The following DOCK9 variants were observed in gnomAD, a reference collection of about 807,000 sequenced individuals.
DOCK9 encodes dedicator of cytokinesis 9, also known as dedicator of cytokinesis protein 9.
Under a neutral mutation model 263.3 loss-of-function variants are expected in DOCK9, and 89 were observed. The ratio of observed to expected loss-of-function variants is 0.34; its 90% CI spans 0.28 to 0.40. DOCK9 has a LOEUF of 0.40. Ranked by LOEUF, DOCK9 falls within the 10% of genes least tolerant of loss-of-function variation. The pLI, the probability that DOCK9 is intolerant of heterozygous loss-of-function variation, is 1.00. For synonymous variants in DOCK9, 976 were observed against 973.1 expected (o/e 1.00, Z -0.06); for missense variants, 2,140 against 2,603.4 (o/e 0.82, Z 3.87).
At chr13:98,985,844 C>T (rs532047122) in intron 1 of DOCK9, among the ~76,000 whole-genome samples, 9 of 152,316 alleles carry the variant, frequency 5.9e-5, no homozygotes, top group African/African-American at 1.9e-4. Context: ...CCCCACCCCA[C>T]GCCCGGCACA....
rs1465599909 is a variant in DOCK9 at position 98,793,516 on chromosome 13, T to C, written c.*1110A>G. On this transcript the variant is annotated 3_prime_UTR_variant, in exon 53 of 53. Coordinates refer to ENST00000682017, the MANE Select transcript of DOCK9 (RefSeq NM_001366683.2). Reference sequence around the variant, plus strand: ...GTCAGCAATGTCTTTTTAATACAGATGTGGTACAGAATGTTTAATTACAGC... The same window carrying C: ...GTCAGCAATGTCTTTTTAATACAGACGTGGTACAGAATGTTTAATTACAGC... The C allele has an allele frequency of 6.6e-6, 1 of 152,648 alleles. No individual in the cohort carries two copies. Among genetic ancestry groups the C allele is most frequent in the African/African-American group, 2.4e-5 (1 of 41,460 alleles). The allele number at this position is 152,648 out of a possible 1,614,324, so 9.5% of individuals were successfully genotyped here. A position where few individuals can be genotyped will look rare whatever the true frequency, so the allele number is the denominator to read the frequency against.
chr13:98,882,090 A>AG, intron 23 of DOCK9, 83 bp from the exon 24 acceptor site: 1 of 1,125,982 alleles, frequency 8.9e-7, no homozygotes. Context: ...CCAAACAAGG[A>AG]TGGAAGAACT....
chr13:98,902,009 C>G (rs2048349885), intron 12 of DOCK9, 109 bp from the exon 13 acceptor site: 1 of 1,347,602 alleles, frequency 7.4e-7, no homozygotes, highest in Admixed American at 2.4e-5. Context: ...TAGTAAAAAG[C>G]ACCCAGTGCC....
chr13:99,074,577 G>C (rs1395746148), intron 1 of DOCK9, among the ~76,000 whole-genome samples: 1 of 152,176 alleles, frequency 6.6e-6, no homozygotes, highest in African/African-American at 2.4e-5. Context: ...TTTGGTTCCT[G>C]ACTAGCTGCC....
intron 13 of DOCK9, among the ~76,000 whole-genome samples, chr13:98,898,764 T>C (rs1170526106): frequency 6.6e-6 from 1 of 152,250 alleles, no homozygotes; most frequent in Non-Finnish European, 1.5e-5. Context: ...TCAGTTAGGC[T>C]GGGGTTCTCA....
chr13:98,973,443 T>C (rs2059931880), intron 1 of DOCK9, among the ~76,000 whole-genome samples: 1 of 152,218 alleles, frequency 6.6e-6, no homozygotes, highest in African/African-American at 2.4e-5. Context: ...CTACTACTAC[T>C]TTCTACATCA....
At chr13:98,992,344 AG>A (rs1192782674) in intron 1 of DOCK9, among the ~76,000 whole-genome samples, 1 of 152,136 alleles carries the variant, frequency 6.6e-6, no homozygotes, top group East Asian at 1.9e-4. Flanking sequence ...TGGGAGTGTC[AG>A]CCCCTTAAGG....
At chr13:98,989,419 C>T (rs1329587566) in intron 1 of DOCK9, among the ~76,000 whole-genome samples, 2 of 151,630 alleles carry the variant, frequency 1.3e-5, no homozygotes, top group South Asian at 4.2e-4. Flanking sequence ...ACTTCTGAAT[C>T]GGAATCCTGA....
chr13:98,932,398 A>C (rs1018695078), intron 2 of DOCK9, among the ~76,000 whole-genome samples: 1 of 101,334 alleles, frequency 9.9e-6, no homozygotes, highest in Admixed American at 1.1e-4. Flanking sequence ...CCATCTCAAA[A>C]AACAACAACA....
chr13:99,018,353 C>T (rs1885677480), intron 1 of DOCK9, among the ~76,000 whole-genome samples: 1 of 152,194 alleles, frequency 6.6e-6, no homozygotes, highest in African/African-American at 2.4e-5. Flanking sequence ...TTTCACCTTC[C>T]ACCACAGGAT....
intron 1 of DOCK9, among the ~76,000 whole-genome samples, chr13:99,072,234 G>A (rs1034381138): frequency 6.6e-6 from 1 of 152,074 alleles, no homozygotes; most frequent in African/African-American, 2.4e-5. Context: ...CTTTCATGAT[G>A]TTCTATTTGG....
At chr13:98,979,218 A>G (rs1016953135), upstream of DOCK9, among the ~76,000 whole-genome samples, 2 of 130,642 alleles carry the variant, frequency 1.5e-5, no homozygotes, top group South Asian at 5.4e-4. Flanking sequence ...TAGTAGTAGT[A>G]GTAGTAGTAG....
chr13:99,008,234 A>ATTTTT (rs398024127), intron 1 of DOCK9, among the ~76,000 whole-genome samples: 2,129 of 93,784 alleles, frequency 0.023, 56 homozygotes, highest in Non-Finnish European at 0.033. Context: ...ATATATATAT[A>ATTTTT]TTTTTTTTTT....
chr13:99,081,812 C>T (rs1188095983), intron 1 of DOCK9, among the ~76,000 whole-genome samples: 1 of 152,202 alleles, frequency 6.6e-6, no homozygotes, highest in Admixed American at 6.5e-5. Flanking sequence ...GAACATGCTA[C>T]CTTCCTGACT....
At chr13:98,931,893 C>T (rs2054008609) in intron 2 of DOCK9, among the ~76,000 whole-genome samples, 1 of 150,090 alleles carries the variant, frequency 6.7e-6, no homozygotes, top group Non-Finnish European at 1.5e-5. Flanking sequence ...CCACCACACC[C>T]AGCCTTATTC....
chr13:99,008,242 T>A (rs1432045105), intron 1 of DOCK9, among the ~76,000 whole-genome samples: 2 of 143,350 alleles, frequency 1.4e-5, no homozygotes, highest in African/African-American at 2.5e-5. Flanking sequence ...ATATTTTTTT[T>A]TTTTTTTGAG....
chr13:98,852,069 T>G lies in DOCK9; in HGVS notation c.3946+1339A>C, dbSNP rs141811705. ...TGTATATTTGTCTTCAAAAAGCAGT[T>G]ATGTTCTTATTATAGGTCATATTCA... On this transcript the variant is annotated intron_variant, in intron 35 of 52. Coordinates refer to ENST00000682017, the MANE Select transcript of DOCK9 (RefSeq NM_001366683.2). Among the ~76,000 whole-genome samples, 95 of 152,342 alleles carry G rather than the reference T, an allele frequency of 6.2e-4. 1 individual carries two copies. The East Asian group carries it at 0.014, about 22-fold the overall frequency.
At chr13:98,947,113 C>T (rs1301939098) in intron 2 of DOCK9, among the ~76,000 whole-genome samples, 1 of 152,148 alleles carries the variant, frequency 6.6e-6, no homozygotes, top group Non-Finnish European at 1.5e-5. Context: ...TTGAGTGTTC[C>T]ACTAAACTCT....
chr13:98,856,692 T>C (rs758724624), intron 33 of DOCK9: 1 of 152,192 alleles, frequency 6.6e-6, no homozygotes, highest in Non-Finnish European at 1.5e-5. Flanking sequence ...CCATTTGTAG[T>C]GAGTTGTGGT....
Sources: allele counts gnomAD v4.1 joint callset (sites outside exome capture counted in the v4.1 genomes callset), GRCh38; gene constraint gnomAD v4.1.1; transcripts MANE v1.5; gene names NCBI Gene and HGNC (gene_info 2026-07-23, HGNC 2026-07-21).